The following REXO1 variants were observed in gnomAD, a reference collection of about 807,000 sequenced individuals.
REXO1 encodes the protein REX1, RNA exonuclease 1 homolog.
A neutral mutation model predicts 102.6 loss-of-function variants in REXO1; 42 were observed. The observed-to-expected ratio is 0.41, with a 90% CI of 0.32 to 0.53. The LOEUF (loss-of-function observed/expected upper bound fraction) is 0.53, where lower values mean the gene tolerates loss of function less well. Among genes scored for constraint, REXO1 ranks in the 20% least tolerant of loss-of-function variants. The pLI, the probability that REXO1 is intolerant of heterozygous loss-of-function variation, is 0.27. For synonymous variants in REXO1, 908 were observed against 779.1 expected, an observed-to-expected ratio of 1.17 and a Z score of -2.76; for missense variants, 1,819 against 1,732.5, an observed-to-expected ratio of 1.05 and a Z score of -0.89.
chr19:1,821,583 C>A lies in REXO1; in HGVS notation c.2330G>T (p.Gly777Val). ...GQQLKTRTLSGMASKTTTTII... is the reference protein window; with the variant it reads ...GQQLKTRTLSVMASKTTTTII... ...GGTGGTGGTAGTCTTGGACGCCATC[C>A]CCGACAATGTGCGTGTTTTCAGCTG... The change falls in exon 5 of 16, where the codon GGG becomes GTG. Residue 777 changes from glycine (G) to valine (V), a missense_variant. By Grantham distance (109) the Gly-to-Val change is moderately radical. Coordinates refer to ENST00000170168, the MANE Select transcript of REXO1 (RefSeq NM_020695.4). 1.2e-6 allele frequency: 2 copies of A among 1,613,922 alleles called. No homozygotes were observed. The highest frequency in any genetic ancestry group is 1.7e-6 in the Non-Finnish European group (2 of 1,179,900).
chr19:1,821,359 A>C (rs1238825251), intron 5 of REXO1, among the ~76,000 whole-genome samples, 160 bp downstream of exon 5: 1 of 151,680 alleles, frequency 6.6e-6, no homozygotes, highest in Admixed American at 6.6e-5. Context: ...AAAAAAAAAA[A>C]ACACCAAGGC....
At chr19:1,825,129 G>A (rs1166600036) in intron 3 of REXO1, among the ~76,000 whole-genome samples, 2 of 149,600 alleles carry the variant, frequency 1.3e-5, no homozygotes, top group Non-Finnish European at 3.0e-5. Flanking sequence ...GTGAAACCCC[G>A]TCTCTACTAA....
In REXO1 at chr19:1,818,802, G is replaced by C. The variant is rs1186531797; in HGVS notation, c.2806C>G (p.Gln936Glu). The C allele has an allele frequency of 4.3e-6, 7 of 1,609,448 alleles. No homozygotes were observed. In the African/African-American group the frequency reaches 6.7e-5, roughly 15 times the overall value. Residue 936 changes from glutamine (Q) to glutamate (E), a missense_variant, in exon 9 of 16, where the codon CAG (glutamine) becomes GAG (glutamate). Coordinates refer to ENST00000170168, the MANE Select transcript of REXO1 (RefSeq NM_020695.4). Reference sequence around the variant, plus strand: ...TAGCCGTTCTCCTTGAGCTGGTCCTGGGTGAGCAGGTACTCCCTGAGGCGG... The same window carrying C: ...TAGCCGTTCTCCTTGAGCTGGTCCTCGGTGAGCAGGTACTCCCTGAGGCGG... ...YSRLREYLLT[Q>E]DQLKENGYPF...
At chr19:1,838,304 C>T (rs571374625) in intron 1 of REXO1, among the ~76,000 whole-genome samples, 5 of 140,068 alleles carry the variant, frequency 3.6e-5, no homozygotes, top group Admixed American at 7.2e-5. Context: ...GCAACAAGAA[C>T]GAAACTCCAT....
Position 1,826,948 on chromosome 19 carries a change from T to C in REXO1, c.1841A>G (p.Glu614Gly). The change falls in exon 2 of 16, where the codon GAG (glutamate) becomes GGG (glycine). Residue 614 changes from glutamate to glycine, a missense_variant. Transcript: ENST00000170168. This position sits in a 1 kb window ranked among gnomAD's most constrained non-coding sequence, Gnocchi z 4.3. The part of the protein sequence containing the change: ...KEVDFDSDPM[E>G]ECLRIFNEST... ...CTCGTTGAAGATCCGCAGGCACTCC[T>C]CCATGGGGTCGGAGTCAAAGTCCAC... 2 of 1,579,548 alleles carry C rather than the reference T, an allele frequency of 1.3e-6. No individual in the cohort carries two copies. The highest frequency in any genetic ancestry group is 8.6e-7 in the Non-Finnish European group (1 of 1,163,670).
At chr19:1,822,291 A>G (rs544461326) in intron 4 of REXO1, 35 of 170,560 alleles carry the variant, frequency 2.1e-4, no homozygotes, top group African/African-American at 8.1e-4. Context: ...TCGAAATGCC[A>G]TCTGGCCCTG....
At chr19:1,847,960 C>T (rs539825184) in intron 1 of REXO1, among the ~76,000 whole-genome samples, 1 of 152,338 alleles carries the variant, frequency 6.6e-6, no homozygotes, top group African/African-American at 2.4e-5. Flanking sequence ...CTCTAGACAG[C>T]CCTGGCAGGA....
rs1320016165 is a variant in REXO1, at chr19:1,816,092, G to A, written c.3640C>T (p.Arg1214Ter). 5 of 1,547,930 alleles carry A rather than the reference G, an allele frequency of 3.2e-6. No homozygotes were observed. The highest frequency in any genetic ancestry group is 8.7e-7 in the Non-Finnish European group (1 of 1,146,936). Reference protein sequence around the residue: ...ACMHLVIWKVREDAKTKR With the variant: ...ACMHLVIWKV Reference sequence around the variant, plus strand: ...CATCGCTTGGTCTTGGCGTCTTCTCGAACCTTCCAGATCACCAGGTGCATG... The same window carrying A: ...CATCGCTTGGTCTTGGCGTCTTCTCAAACCTTCCAGATCACCAGGTGCATG... The change falls in exon 16 of 16, where the codon CGA becomes TGA. Residue 1214 changes from arginine to a stop codon, truncating the protein, a stop_gained. Transcript: ENST00000170168. LOFTEE classifies it high-confidence loss of function.
At chr19:1,847,283 GAGA>G (rs1418429005) in intron 1 of REXO1, among the ~76,000 whole-genome samples, 2 of 152,182 alleles carry the variant, frequency 1.3e-5, no homozygotes, top group African/African-American at 2.4e-5. Flanking sequence ...TTAAATCCTA[GAGA>G]AGATGTTTCT....
chr19:1,816,270 G>C lies in REXO1; in HGVS notation c.3532C>G (p.Arg1178Gly). ...CTGAGGTAGTCGGCCATGAGGTTCC[G>C]CAGGGACCGCTTGTAGGGGAGGCCC... ...RLGLPYKRSL[R>G]NLMADYLRQI... is the part of the protein sequence containing the mutation. Residue 1178 changes from arginine (R) to glycine (G), a missense_variant, in exon 15 of 16, where the codon CGG (arginine) becomes GGG (glycine). Physicochemically the swap from Arg to Gly is moderately radical, Grantham distance 125 (BLOSUM62 -2). Coordinates refer to ENST00000170168, the MANE Select transcript of REXO1 (RefSeq NM_020695.4). 1 of 1,587,690 alleles carries C rather than the reference G, an allele frequency of 6.3e-7. No individual in the cohort carries two copies. Among genetic ancestry groups the C allele is most frequent in the Non-Finnish European group, 8.6e-7 (1 of 1,167,372 alleles).
chr19:1,815,994 ACT>A lies in REXO1; in HGVS notation c.*70_*71del. 1 of 1,536,394 alleles carries A rather than the reference ACT, an allele frequency of 6.5e-7. No individual in the cohort carries two copies. The highest frequency in any genetic ancestry group is 2.0e-5 in the Admixed American group (1 of 50,984). On this transcript the variant is annotated 3_prime_UTR_variant, in exon 16 of 16. Transcript: ENST00000170168. The surrounding 1 kb of genome is among the most constrained non-coding windows in gnomAD (Gnocchi z 4.0). ...GGACGGGTTACCGGAGATTTATTGC[ACT>A]GTTTTGGAAGAGGCATGGGGCTAAG...
intron 13 of REXO1, 60 bp downstream of exon 13, chr19:1,816,638 T>TGGGGGGGGGGGGGGGG: frequency 3.6e-6 from 1 of 275,656 alleles, no homozygotes; most frequent in Non-Finnish European, 6.8e-6. Flanking sequence ...CGGGGGAGGG[T>TGGGGGGGGGGGGGGGG]GGGTCCCTGG....
At position 1,827,319 on chromosome 19, in the gene REXO1, C is replaced by T; in HGVS notation, c.1470G>A (p.Gly490=). Residue 490 remains glycine, a synonymous_variant, in exon 2 of 16, where the codon GGG becomes GGA. Transcript: ENST00000170168. ...AGCGGGCTTTCCGCTCCACTAGCTT[C>T]CCCGACGGGGCCTTGGTGCTCTTCC... ...PDRKSTKAPS[G]KLVERKARSL... 1 of 1,559,390 alleles carries T rather than the reference C, an allele frequency of 6.4e-7. No homozygotes were observed. Among genetic ancestry groups the T allele is most frequent in the South Asian group, 1.1e-5 (1 of 87,114 alleles).
intron 3 of REXO1, 54 bp downstream of exon 3, chr19:1,825,784 CT>C: frequency 1.1e-4 from 120 of 1,091,846 alleles, no homozygotes; most frequent in African/African-American, 1.4e-4. Context: ...CCAACCTCGT[CT>C]TTAAAAAAAA....
chr19:1,821,859 G>A, intron 4 of REXO1, 177 bp from the exon 5 acceptor site: 2 of 623,484 alleles, frequency 3.2e-6, no homozygotes, highest in East Asian at 5.8e-5. Flanking sequence ...GCTGCCTTCA[G>A]GCAAGTCCAT....
In REXO1 at chr19:1,818,756, C is replaced by T. The variant is rs896511518; in HGVS notation, c.2852G>A (p.Arg951Gln). 3 of 1,610,774 alleles carry T rather than the reference C, an allele frequency of 1.9e-6. No individual in the cohort carries two copies. Among genetic ancestry groups the T allele is most frequent in the East Asian group, 2.2e-5 (1 of 44,882 alleles). Residue 951 changes from arginine (R) to glutamine (Q), a missense_variant, in exon 9 of 16, where the codon CGG becomes CAG. Transcript: ENST00000170168. Reference protein sequence around the residue: ...ENGYPFPHPERPGGAIIFTAE... With the variant: ...ENGYPFPHPEQPGGAIIFTAE... ...TGTGAAGATGATTGCGCCCCCGGGC[C>T]GCTCTGGGTGCGGGAAGGGGTAGCC...
chr19:1,819,863 G>A (rs1170400790), intron 7 of REXO1, 71 bp downstream of exon 7: 16 of 1,449,996 alleles, frequency 1.1e-5, no homozygotes, highest in Admixed American at 2.6e-5. Flanking sequence ...GAAGGTCCCA[G>A]CGAGGGTCCC....
At chr19:1,845,148 C>A (rs567410688) in intron 1 of REXO1, among the ~76,000 whole-genome samples, 1 of 152,296 alleles carries the variant, frequency 6.6e-6, no homozygotes, top group Non-Finnish European at 1.5e-5. Flanking sequence ...ACATAGACAA[C>A]CGAGGCCCCT....
At chr19:1,831,648 G>A (rs1258808787) in intron 1 of REXO1, among the ~76,000 whole-genome samples, 1 of 151,610 alleles carries the variant, frequency 6.6e-6, no homozygotes, top group East Asian at 1.9e-4. Flanking sequence ...TTCGAGACCA[G>A]CCTGACCAAC....
Sources: gnomAD v4.1 joint callset for allele counts (sites outside exome capture counted in the v4.1 genomes callset) on GRCh38, gnomAD v4.1.1 for gene constraint, Gnocchi (gnomAD v3.1) non-coding constraint, MANE v1.5 for transcripts, NCBI Gene and HGNC (gene_info 2026-07-23, HGNC 2026-07-21) for gene names.